The following ADGRG7 variants were observed in gnomAD, a reference collection of about 807,000 sequenced individuals.
The protein encoded by ADGRG7 is adhesion G protein-coupled receptor G7.
In ADGRG7, 82 loss-of-function variants were observed where a neutral mutation model predicts 88.6. The ratio of observed to expected loss-of-function variants is 0.93; its 90% CI spans 0.77 to 1.11. The LOEUF is 1.11. ADGRG7 is among the 50% of genes most tolerant of loss of function. The pLI is 0.00. For synonymous variants in ADGRG7, 381 were observed against 345.2 expected (o/e 1.10, Z -1.15); for missense variants, 945 against 953.4 (o/e 0.99, Z 0.12).
chr3:100,663,621 A>G (rs1041699356), intron 14 of ADGRG7, among the ~76,000 whole-genome samples: 3 of 152,026 alleles, frequency 2.0e-5, no homozygotes, highest in African/African-American at 7.2e-5. Context: ...TGAAAATTCC[A>G]TCTTTACTTC....
chr3:100,670,929 A>G (rs987007639), intron 15 of ADGRG7, among the ~76,000 whole-genome samples: 1 of 152,212 alleles, frequency 6.6e-6, no homozygotes, highest in African/African-American at 2.4e-5. Context: ...CATGGTGTAT[A>G]TGTGCCTTAT....
At chr3:100,675,177 C>T (rs1235811577) in intron 15 of ADGRG7, among the ~76,000 whole-genome samples, 2 of 152,118 alleles carry the variant, frequency 1.3e-5, no homozygotes, top group African/African-American at 4.8e-5. Flanking sequence ...TGTTCCAGAT[C>T]TTAGAGGAAA....
intron 14 of ADGRG7, chr3:100,665,413 C>G: frequency 1.9e-6 from 1 of 539,622 alleles, no homozygotes; most frequent in Non-Finnish European, 3.8e-6. Flanking sequence ...TTTGTGAAAA[C>G]GAAACTTTCT....
At chr3:100,687,409 C>T (rs1200656634) in intron 15 of ADGRG7, among the ~76,000 whole-genome samples, 91 of 152,230 alleles carry the variant, frequency 6.0e-4, no homozygotes, top group Non-Finnish European at 9.0e-4. Flanking sequence ...ACTTCCAACA[C>T]TATGTTGAAT....
chr3:100,618,906 G>A (rs1408825066), intron 1 of ADGRG7, among the ~76,000 whole-genome samples: 1 of 152,178 alleles, frequency 6.6e-6, no homozygotes, highest in Non-Finnish European at 1.5e-5. Context: ...GTAGTGGTTT[G>A]TAGTTCTCCT....
At chr3:100,659,300 CG>C (rs1576328866) in intron 13 of ADGRG7, among the ~76,000 whole-genome samples, 1 of 151,230 alleles carries the variant, frequency 6.6e-6, no homozygotes, top group Non-Finnish European at 1.5e-5. Context: ...ATCAGCTGGG[CG>C]TGGTGGCGGG....
Position 100,687,588 on chromosome 3 carries a change from G to C in ADGRG7, c.2137-7156G>C, listed in dbSNP as rs1034382583. Among the ~76,000 whole-genome samples the C allele has an allele frequency of 1.1e-3, 169 of 152,102 alleles. 3 individuals carry two copies. The highest frequency in any genetic ancestry group is 9.7e-4 in the East Asian group (5 of 5,178). On this transcript the variant is annotated intron_variant, in intron 15 of 15. Transcript: ENST00000273352. ...TTTATTGAGAGTTTTTAGCACGAAG[G>C]GTTGTTGAATTTTGTCAAAGGCCTT... is the stretch of plus-strand genomic sequence containing the variant.
At chr3:100,687,400 C>A (rs2094984593) in intron 15 of ADGRG7, among the ~76,000 whole-genome samples, 1 of 152,116 alleles carries the variant, frequency 6.6e-6, no homozygotes, top group Non-Finnish European at 1.5e-5. Flanking sequence ...CTGGCCAGAA[C>A]TTCCAACACT....
chr3:100,614,003 A>G (rs1707192785), intron 1 of ADGRG7, among the ~76,000 whole-genome samples: 1 of 152,214 alleles, frequency 6.6e-6, no homozygotes, highest in South Asian at 2.1e-4. Flanking sequence ...TATTATGTGC[A>G]TAGTAGTAAA....
In ADGRG7 at chr3:100,655,087, C is replaced by A. The variant is rs765777950; in HGVS notation, c.1632C>A (p.Asn544Lys). 2 of 1,614,168 alleles carry A rather than the reference C, an allele frequency of 1.2e-6. No homozygotes were observed. Among genetic ancestry groups the A allele is most frequent in the Non-Finnish European group, 1.7e-6 (2 of 1,180,006 alleles). The stretch of plus-strand genomic sequence containing the variant: ...TTCTGTTAGTGACATTTACCTGGAA[C>A]GCACTCAGCGCTGCACAGCTCTATT... ...HYFLLVTFTW[N>K]ALSAAQLYYL... The change falls in exon 12 of 16, where the codon AAC becomes AAA. Residue 544 changes from asparagine to lysine, a missense_variant. Asn to Lys is a moderately conservative substitution (Grantham distance 94, BLOSUM62 0). Transcript: ENST00000273352.
At chr3:100,646,300 A>G in intron 9 of ADGRG7, 192 bp downstream of exon 9, 1 of 614,894 alleles carries the variant, frequency 1.6e-6, no homozygotes, top group East Asian at 2.8e-5. Context: ...GTTGAATAAA[A>G]GAAATCTATA....
rs1362569720 is a variant in ADGRG7 at position 100,662,791 on chromosome 3, G to A, written c.1979+2948G>A. Reference sequence around the variant, plus strand: ...TGGTTGTACCAGAAAGATACAGAATGTAAAAACTGGAATTATGAAAAAAAC... The same window carrying A: ...TGGTTGTACCAGAAAGATACAGAATATAAAAACTGGAATTATGAAAAAAAC... On this transcript the variant is annotated intron_variant, in intron 14 of 15. Transcript: ENST00000273352. Among the ~76,000 whole-genome samples the A allele has an allele frequency of 4.6e-5, 7 of 151,990 alleles. No individual in the cohort carries two copies. The East Asian group carries it at 1.4e-3, about 29-fold the overall frequency.
intron 6 of ADGRG7, among the ~76,000 whole-genome samples, chr3:100,640,256 T>TC (rs1464125796): frequency 5.7e-4 from 87 of 152,366 alleles, no homozygotes; most frequent in Admixed American, 3.7e-3. Flanking sequence ...GATGCTGGGT[T>TC]CCCTGACAGA....
At chr3:100,626,463 A>G (rs896961586) in intron 1 of ADGRG7, among the ~76,000 whole-genome samples, 2 of 152,208 alleles carry the variant, frequency 1.3e-5, no homozygotes, top group African/African-American at 4.8e-5. Flanking sequence ...TACAAGGTAT[A>G]TATCTCCATT....
At chr3:100,674,579 CTT>C (rs34582443) in intron 15 of ADGRG7, among the ~76,000 whole-genome samples, 217 of 128,740 alleles carry the variant, frequency 1.7e-3, no homozygotes, top group Middle Eastern at 4.3e-3. Flanking sequence ...TTCTTAATTC[CTT>C]TTTTTTTTTT....
At position 100,638,125 on chromosome 3, in the gene ADGRG7, T is replaced by G. The variant is rs145703778; in HGVS notation, c.698+723T>G. Among the ~76,000 whole-genome samples the G allele has an allele frequency of 5.7e-3, 869 of 152,342 alleles. 8 individuals carry two copies. Among genetic ancestry groups the G allele is most frequent in the African/African-American group, 0.019 (804 of 41,576 alleles). On this transcript the variant is annotated intron_variant, in intron 6 of 15. Transcript: ENST00000273352. ...TATCAGCCCAGTGGGCCCTTTGCCT[T>G]GTCACATGGGGTGGCTGCCCTCCAC...
At chr3:100,622,113 C>T (rs559732959) in intron 1 of ADGRG7, among the ~76,000 whole-genome samples, 4 of 152,148 alleles carry the variant, frequency 2.6e-5, no homozygotes, top group Non-Finnish European at 5.9e-5. Context: ...TGGCTCACCT[C>T]CTGCTGTGTG....
intron 15 of ADGRG7, among the ~76,000 whole-genome samples, chr3:100,678,463 G>A (rs926384139): frequency 3.8e-4 from 57 of 151,960 alleles, no homozygotes; most frequent in African/African-American, 1.1e-3. Context: ...TTATTTTGGC[G>A]AGGCCATATT....
At chr3:100,613,525 C>A (rs1018338561) in intron 1 of ADGRG7, among the ~76,000 whole-genome samples, 1 of 125,404 alleles carries the variant, frequency 8.0e-6, no homozygotes, top group Non-Finnish European at 1.8e-5. Flanking sequence ...CCTCACATAA[C>A]CACCCCCTAA....
Sources: allele counts gnomAD v4.1 joint callset (sites outside exome capture counted in the v4.1 genomes callset), GRCh38; gene constraint gnomAD v4.1.1; transcripts MANE v1.5; gene names NCBI Gene and HGNC (gene_info 2026-07-23, HGNC 2026-07-21).